LPAR1: variants seen among roughly 807,000 people sequenced by gnomAD.
The protein encoded by LPAR1 is LPA receptor 1.
LPAR1 carries 5 observed loss-of-function variants against 23.8 expected under a neutral mutation model. The observed-to-expected ratio is 0.21, with a 90% CI of 0.11 to 0.44. The LOEUF (loss-of-function observed/expected upper bound fraction) is 0.44. LPAR1 is among the 20% of genes least tolerant of loss of function. The pLI is 0.99. For missense variants in LPAR1, 311 were observed against 482.8 expected (o/e 0.64, Z 3.33); for synonymous variants, 160 against 164.7 (o/e 0.97, Z 0.22).
At chr9:110,880,293 AATG>A (rs1185599480) in intron 5 of LPAR1, among the ~76,000 whole-genome samples, 8 of 152,126 alleles carry the variant, frequency 5.3e-5, no homozygotes, top group Non-Finnish European at 5.9e-5. Flanking sequence ...GGCAGGGAGG[AATG>A]AGGCTGTTTT....
intron 2 of LPAR1, among the ~76,000 whole-genome samples, chr9:111,004,482 C>T (rs903214891): frequency 6.6e-6 from 1 of 152,118 alleles, no homozygotes; most frequent in African/African-American, 2.4e-5. Context: ...TGGCTTCCTC[C>T]ACCCCAACTC....
chr9:111,026,679 T>C (rs1792332806), intron 2 of LPAR1, among the ~76,000 whole-genome samples: 1 of 152,230 alleles, frequency 6.6e-6, no homozygotes, highest in South Asian at 2.1e-4. Context: ...TAAATAGCTC[T>C]TATTATCTTG....
At chr9:110,999,371 G>C (rs868488753) in intron 2 of LPAR1, 40 of 455,602 alleles carry the variant, frequency 8.8e-5, no homozygotes, top group African/African-American at 7.0e-4. Context: ...AAATTAGAAG[G>C]TTCAGACCTC....
intron 2 of LPAR1, among the ~76,000 whole-genome samples, chr9:111,020,685 C>G (rs1262774864): frequency 2.0e-5 from 3 of 152,074 alleles, no homozygotes; most frequent in African/African-American, 7.2e-5. Flanking sequence ...TAGCATTGAG[C>G]ACCTGTGCCT....
At chr9:110,886,642 C>A (rs1044826280) in intron 5 of LPAR1, among the ~76,000 whole-genome samples, 2 of 152,108 alleles carry the variant, frequency 1.3e-5, no homozygotes, top group Non-Finnish European at 2.9e-5. Flanking sequence ...GATTTGTTTT[C>A]TTTTACATAA....
chr9:111,027,682 T>G (rs1234712855), intron 2 of LPAR1, among the ~76,000 whole-genome samples: 4 of 151,700 alleles, frequency 2.6e-5, no homozygotes, highest in African/African-American at 7.3e-5. Flanking sequence ...AAGCCTTAAC[T>G]CAAAGTTGAC....
chr9:111,009,976 T>C (rs940797087), intron 2 of LPAR1, among the ~76,000 whole-genome samples: 13 of 147,242 alleles, frequency 8.8e-5, no homozygotes, highest in African/African-American at 3.2e-4. Flanking sequence ...CATATTTTCA[T>C]TTCTCATTTC....
At chr9:110,950,035 T>C (rs2095519902) in intron 4 of LPAR1, among the ~76,000 whole-genome samples, 1 of 152,186 alleles carries the variant, frequency 6.6e-6, no homozygotes, top group African/African-American at 2.4e-5. Context: ...TAGAAGATAA[T>C]TAATTTCCCT....
At chr9:110,919,674 A>G (rs977771525) in intron 5 of LPAR1, among the ~76,000 whole-genome samples, 5 of 152,222 alleles carry the variant, frequency 3.3e-5, no homozygotes, top group African/African-American at 1.2e-4. Flanking sequence ...CTCCCACATT[A>G]GATGTTCCAG....
intron 4 of LPAR1, among the ~76,000 whole-genome samples, chr9:110,948,007 G>C (rs561063529): frequency 6.6e-6 from 1 of 152,278 alleles, no homozygotes; most frequent in South Asian, 2.1e-4. Flanking sequence ...TGTAGCTTTG[G>C]TTTAGCAGAT....
chr9:110,929,040 A>T (rs1057336726), intron 5 of LPAR1, among the ~76,000 whole-genome samples: 1 of 152,264 alleles, frequency 6.6e-6, no homozygotes, highest in African/African-American at 2.4e-5. Context: ...TGTGTCAACA[A>T]AAGTCTACTT....
intron 2 of LPAR1, among the ~76,000 whole-genome samples, chr9:110,997,692 C>T (rs143039324): frequency 2.0e-5 from 3 of 152,114 alleles, no homozygotes; most frequent in African/African-American, 4.8e-5. Context: ...TGATTACATG[C>T]CATTATCTTA....
chr9:110,991,752 G>A (rs542820213), intron 2 of LPAR1, among the ~76,000 whole-genome samples: 1 of 152,184 alleles, frequency 6.6e-6, no homozygotes, highest in Admixed American at 6.5e-5. Context: ...GGGATTACAG[G>A]TATGTGCCAT....
At chr9:110,914,336 T>C (rs2092806048) in intron 5 of LPAR1, among the ~76,000 whole-genome samples, 3 of 152,118 alleles carry the variant, frequency 2.0e-5, no homozygotes, top group African/African-American at 4.8e-5. Flanking sequence ...ACAATCATGG[T>C]GGAAGGCAAA....
Position 110,941,460 on chromosome 9 carries a change from T to C in LPAR1, c.754A>G (p.Thr252Ala). The C allele has an allele frequency of 6.2e-7, 1 of 1,613,898 alleles. No homozygotes were observed. The highest frequency in any genetic ancestry group is 8.5e-7 in the Non-Finnish European group (1 of 1,179,926). ...HSSGPRRNRD[T>A]MMSLLKTVVI... ...ACAGTCTTCAGAAGACTCATCATGG[T>C]ATCCCGATTCCGCCGGGGTCCAGAA... is the stretch of plus-strand genomic sequence containing the variant. Residue 252 changes from threonine to alanine, a missense_variant, in exon 5 of 6, where the codon ACC (threonine) becomes GCC (alanine). Around this residue, in one of 2 missense-constraint regions of LPAR1, gnomAD observed 250 missense variants for 427.2 expected, o/e 0.59. Transcript: ENST00000683809. The surrounding 1 kb of genome is among the most constrained non-coding windows in gnomAD (Gnocchi z 6.1).
intron 5 of LPAR1, among the ~76,000 whole-genome samples, chr9:110,922,234 T>C (rs2093679105): frequency 6.6e-6 from 1 of 152,164 alleles, no homozygotes; most frequent in Non-Finnish European, 1.5e-5. Context: ...TGCTACTAGA[T>C]ATTTTTAATT....
intron 2 of LPAR1, among the ~76,000 whole-genome samples, chr9:111,019,748 G>T (rs1484530288): frequency 6.6e-6 from 1 of 152,106 alleles, no homozygotes; most frequent in Non-Finnish European, 1.5e-5. Flanking sequence ...AGGAGGCTGA[G>T]GCAGGAGAAT....
At chr9:110,879,999 C>T (rs955414687) in intron 5 of LPAR1, among the ~76,000 whole-genome samples, 1 of 152,234 alleles carries the variant, frequency 6.6e-6, no homozygotes, top group Admixed American at 6.5e-5. Flanking sequence ...GTTTGAGGTA[C>T]CTGCAAGACA....
chr9:110,899,769 T>C (rs1037499284), intron 5 of LPAR1, among the ~76,000 whole-genome samples: 2 of 152,178 alleles, frequency 1.3e-5, no homozygotes, highest in Non-Finnish European at 2.9e-5. Flanking sequence ...AGAGTATGCT[T>C]TGAGTACATA....
Sources: allele counts gnomAD v4.1 joint callset (sites outside exome capture counted in the v4.1 genomes callset), GRCh38; gene constraint gnomAD v4.1.1; regional missense constraint gnomAD v4.1.1; non-coding constraint Gnocchi (gnomAD v3.1); transcripts MANE v1.5; gene names NCBI Gene and HGNC (gene_info 2026-07-23, HGNC 2026-07-21).